The following TMEM232 variants were observed in gnomAD, a reference collection of about 807,000 sequenced individuals.
The protein encoded by TMEM232 is transmembrane protein 232.
TMEM232 carries 80 observed loss-of-function variants against 78.8 expected under a neutral mutation model. That is an observed-to-expected ratio of 1.01 (90% confidence interval 0.85 to 1.22). The LOEUF is 1.22. Among genes scored for constraint, TMEM232 ranks in the 50% most tolerant of loss-of-function variants. The pLI is 0.00. For synonymous variants in TMEM232, 297 were observed against 254.3 expected, an observed-to-expected ratio of 1.17 and a Z score of -1.60; for missense variants, 881 against 742.2, an observed-to-expected ratio of 1.19 and a Z score of -2.17.
intron 10 of TMEM232, among the ~76,000 whole-genome samples, chr5:110,581,168 C>G (rs1231377629): frequency 6.6e-6 from 1 of 151,602 alleles, no homozygotes; most frequent in African/African-American, 2.4e-5. Context: ...AAACACAATT[C>G]TAAAATTCAT....
intron 6 of TMEM232, among the ~76,000 whole-genome samples, chr5:110,625,879 T>TA (rs1260964035): frequency 6.6e-6 from 1 of 151,838 alleles, no homozygotes; most frequent in African/African-American, 2.4e-5. Flanking sequence ...TTGTAAATAA[T>TA]AAAAACAAGA....
At position 110,568,854 on chromosome 5, in the gene TMEM232, C is replaced by T. The variant is rs552445034; in HGVS notation, c.1277-229G>A. Among the ~76,000 whole-genome samples the T allele has an allele frequency of 3.0e-4, 46 of 151,874 alleles. No homozygotes were observed. The South Asian group carries it at 4.8e-3, about 16-fold the overall frequency. On this transcript the variant is annotated intron_variant, in intron 10 of 13. Coordinates refer to ENST00000455884, the MANE Select transcript of TMEM232 (RefSeq NM_001039763.4). Reference sequence around the variant, plus strand: ...AACCACATGAAAAGAAAAACTGCACCTAACTGGTATACTTCATAAATTTAA... The same window carrying T: ...AACCACATGAAAAGAAAAACTGCACTTAACTGGTATACTTCATAAATTTAA...
At chr5:110,391,348 A>AGAGAGAGAGAGAGAGAGAGAGAC (rs1580539420) in intron 3 of TMEM232, among the ~76,000 whole-genome samples, 1 of 140,502 alleles carries the variant, frequency 7.1e-6, no homozygotes, top group African/African-American at 2.8e-5. Context: ...AGAGAGAGAG[A>AGAGAGAGAGAGAGAGAGAGAGAC]AACCTCTGTG....
chr5:110,594,279 T>A (rs1779885450), intron 10 of TMEM232, among the ~76,000 whole-genome samples: 1 of 152,212 alleles, frequency 6.6e-6, no homozygotes, highest in African/African-American at 2.4e-5. Context: ...CCAGCCCAGA[T>A]ACTACATTTT....
intron 2 of TMEM232, among the ~76,000 whole-genome samples, chr5:110,646,389 G>A (rs1000625518): frequency 2.0e-5 from 3 of 151,738 alleles, no homozygotes; most frequent in African/African-American, 7.2e-5. Context: ...AAAAGCCAAT[G>A]GAGGAGAATC....
At chr5:110,661,736 T>C (rs1222719717) in intron 2 of TMEM232, among the ~76,000 whole-genome samples, 1 of 152,210 alleles carries the variant, frequency 6.6e-6, no homozygotes, top group Non-Finnish European at 1.5e-5. Flanking sequence ...CTGTTTTCCA[T>C]AATGGCTATG....
chr5:110,415,236 G>A (rs954207941), downstream of TMEM232, among the ~76,000 whole-genome samples: 9 of 150,378 alleles, frequency 6.0e-5, no homozygotes, highest in African/African-American at 2.0e-4. Context: ...CGCCCAGGCC[G>A]GAGTGCAGTG....
intron 10 of TMEM232, among the ~76,000 whole-genome samples, chr5:110,591,720 T>C (rs1779561308): frequency 2.0e-5 from 3 of 152,170 alleles, no homozygotes; most frequent in African/African-American, 7.2e-5. Context: ...ATTCTGATAT[T>C]CAAGTGACAA....
In TMEM232 at chr5:110,528,663, A is replaced by G. The variant is rs572854209; in HGVS notation, c.1628T>C (p.Ile543Thr). 124 of 1,534,990 alleles carry G rather than the reference A, an allele frequency of 8.1e-5. No homozygotes were observed. In the African/African-American group the frequency reaches 1.5e-3, roughly 19 times the overall value. ...AHFLPLKKPS[I>T]KKDQTKYPNK... ...TGGATATTTTGTTTGATCCTTTTTT[A>G]TTGATGGTTTCTTCAAAGGAAGAAA... Residue 543 changes from isoleucine to threonine, a missense_variant, in exon 12 of 14, where the codon ATA (isoleucine) becomes ACA (threonine). Physicochemically the swap from Ile to Thr is moderately conservative, Grantham distance 89. Coordinates refer to ENST00000455884, the MANE Select transcript of TMEM232 (RefSeq NM_001039763.4).
chr5:110,394,374 T>C (rs1460473235), intron 3 of TMEM232, among the ~76,000 whole-genome samples: 1 of 152,218 alleles, frequency 6.6e-6, no homozygotes, highest in Admixed American at 6.5e-5. Flanking sequence ...TTAGGTTTCC[T>C]CCAAATCTTG....
chr5:110,674,107 A>G (rs959026186), intron 1 of TMEM232, among the ~76,000 whole-genome samples: 3 of 151,906 alleles, frequency 2.0e-5, no homozygotes, highest in African/African-American at 7.2e-5. Flanking sequence ...TTTTGCAATT[A>G]TTCTAATTTA....
At chr5:110,629,096 G>A (rs547589121) in intron 5 of TMEM232, among the ~76,000 whole-genome samples, 2 of 151,954 alleles carry the variant, frequency 1.3e-5, no homozygotes, top group Admixed American at 6.6e-5. Flanking sequence ...GAAGTTAAAT[G>A]TGAAAAAAAT....
chr5:110,605,016 C>G (rs111572044), intron 10 of TMEM232, 93 bp downstream of exon 10: 21,708 of 1,321,826 alleles, frequency 0.016, 196 homozygotes, highest in Middle Eastern at 0.024. Context: ...GTTGCTATTT[C>G]TAAATATTAA....
intron 12 of TMEM232, among the ~76,000 whole-genome samples, chr5:110,435,231 A>C (rs893649269): frequency 3.9e-5 from 6 of 151,930 alleles, no homozygotes; most frequent in Non-Finnish European, 7.4e-5. Context: ...GGAAAGTCTC[A>C]GGATATAAAA....
intron 12 of TMEM232, among the ~76,000 whole-genome samples, chr5:110,519,542 C>T (rs1769186058): frequency 6.6e-6 from 1 of 151,952 alleles, no homozygotes; most frequent in Non-Finnish European, 1.5e-5. Context: ...ATTAGTACAG[C>T]CACTACGGAG....
At chr5:110,636,265 G>A (rs146032048) in intron 5 of TMEM232, among the ~76,000 whole-genome samples, 1 of 151,882 alleles carries the variant, frequency 6.6e-6, no homozygotes, top group Non-Finnish European at 1.5e-5. Context: ...GACTAAAAAG[G>A]GTGGGTAAAT....
chr5:110,737,299 T>C (rs995605362), intron 1 of TMEM232, among the ~76,000 whole-genome samples: 2 of 152,184 alleles, frequency 1.3e-5, no homozygotes, highest in African/African-American at 4.8e-5. Context: ...AATTATTTGA[T>C]ATTTGCATTC....
At chr5:110,671,554 A>T (rs1791349578) in intron 1 of TMEM232, among the ~76,000 whole-genome samples, 1 of 152,228 alleles carries the variant, frequency 6.6e-6, no homozygotes, top group Admixed American at 6.5e-5. Flanking sequence ...TACACCATGG[A>T]ATACTATGCA....
intron 13 of TMEM232, among the ~76,000 whole-genome samples, chr5:110,422,393 G>A (rs936720077): frequency 4.6e-5 from 7 of 151,468 alleles, no homozygotes; most frequent in African/African-American, 1.7e-4. Context: ...GGTGGCGGGT[G>A]CCTGTAGGCC....
Sources: gnomAD v4.1 joint callset for allele counts (sites outside exome capture counted in the v4.1 genomes callset) on GRCh38, gnomAD v4.1.1 for gene constraint, MANE v1.5 for transcripts, NCBI Gene and HGNC (gene_info 2026-07-23, HGNC 2026-07-21) for gene names.